The following SSU72 variants were observed in gnomAD, a reference collection of about 807,000 sequenced individuals.
SSU72 encodes SSU72 homolog, RNA polymerase II CTD phosphatase, also known as RNA polymerase II subunit A C-terminal domain phosphatase SSU72.
SSU72 carries 12 observed loss-of-function variants against 22.7 expected under a neutral mutation model. The observed-to-expected ratio is 0.53, with a 90% CI of 0.34 to 0.86. The LOEUF (loss-of-function observed/expected upper bound fraction) is 0.86. Ranked by LOEUF, SSU72 falls within the 40% of genes least tolerant of loss-of-function variation. SSU72 has a pLI of 0.02. For synonymous variants in SSU72, 116 were observed against 98.3 expected, an observed-to-expected ratio of 1.18 and a Z score of -1.06; for missense variants, 151 against 249.8, an observed-to-expected ratio of 0.60 and a Z score of 2.67.
chr1:1,550,542 G>A (rs1178575594), intron 2 of SSU72, among the ~76,000 whole-genome samples: 1 of 152,226 alleles, frequency 6.6e-6, no homozygotes, highest in East Asian at 1.9e-4. Context: ...CAGTGCCTGG[G>A]CCCTTGCCTC....
intron 1 of SSU72, among the ~76,000 whole-genome samples, chr1:1,568,228 C>T (rs1364693867): frequency 6.6e-6 from 1 of 152,240 alleles, no homozygotes; most frequent in Non-Finnish European, 1.5e-5. Flanking sequence ...CACCAACAGG[C>T]TTCGCCTGAA....
At chr1:1,568,031 A>G (rs1475748748) in intron 1 of SSU72, among the ~76,000 whole-genome samples, 1 of 152,126 alleles carries the variant, frequency 6.6e-6, no homozygotes, top group Non-Finnish European at 1.5e-5. Flanking sequence ...CGTTCCTTTA[A>G]GTTAGCCTAT....
chr1:1,550,487 A>G (rs1019171720), intron 2 of SSU72, among the ~76,000 whole-genome samples: 5 of 152,230 alleles, frequency 3.3e-5, no homozygotes, highest in African/African-American at 1.2e-4. Flanking sequence ...AGCAATTCCC[A>G]GACACCAGCG....
At chr1:1,549,790 T>C (rs1642435085) in intron 2 of SSU72, among the ~76,000 whole-genome samples, 1 of 151,816 alleles carries the variant, frequency 6.6e-6, no homozygotes, top group African/African-American at 2.4e-5. Context: ...CTGGCTAACA[T>C]GGTGAAACCC....
At position 1,574,608 on chromosome 1, in the gene SSU72, G is replaced by A. The variant is rs774530526; in HGVS notation, c.-51C>T. 13 of 1,521,530 alleles carry A rather than the reference G, an allele frequency of 8.5e-6. 1 individual carries two copies. In the South Asian group the frequency reaches 1.2e-4, roughly 14 times the overall value. 94.3% of individuals were successfully genotyped at this position (1,521,530 alleles called of 1,614,324 possible). On this transcript the variant is annotated 5_prime_UTR_variant, in exon 1 of 5. Coordinates refer to ENST00000291386, the MANE Select transcript of SSU72 (RefSeq NM_014188.3). ...CTCCCGCTTGGGTTCCCACCCTACC[G>A]CGGCGCTTCCGCGCGAACAAAATGG...
At chr1:1,566,182 T>G (rs192450066) in intron 1 of SSU72, among the ~76,000 whole-genome samples, 4 of 152,012 alleles carry the variant, frequency 2.6e-5, no homozygotes, top group Non-Finnish European at 5.9e-5. Flanking sequence ...TGAGAATCGC[T>G]TGAACCCAGC....
chr1:1,564,597 GAACT>G (rs767997524), intron 2 of SSU72, 172 bp downstream of exon 2: 31 of 1,609,790 alleles, frequency 1.9e-5, no homozygotes, highest in Admixed American at 5.1e-5. Context: ...GGTGGCACTG[GAACT>G]AACCCGTGGA....
At chr1:1,551,518 G>A (rs941546403) in intron 2 of SSU72, among the ~76,000 whole-genome samples, 11 of 151,802 alleles carry the variant, frequency 7.2e-5, no homozygotes, top group East Asian at 2.0e-4. Flanking sequence ...TTCTACCTAC[G>A]TGTGTGTGCC....
intron 3 of SSU72, 38 bp downstream of exon 3, chr1:1,544,825 C>G: frequency 6.2e-7 from 1 of 1,613,424 alleles, no homozygotes; most frequent in Non-Finnish European, 8.5e-7. Context: ...CCTGTGAGAG[C>G]TGCTGGAGCC....
At chr1:1,565,145 AGGCGGATCATGAAGGC>A (rs1642643948) in intron 1 of SSU72, among the ~76,000 whole-genome samples, 1 of 151,930 alleles carries the variant, frequency 6.6e-6, no homozygotes, top group Non-Finnish European at 1.5e-5. Flanking sequence ...TCATGAAGGC[AGGCGGATCATGAAGGC>A]AGGAGATCAA....
chr1:1,544,191 C>A (rs1446337887), intron 3 of SSU72, among the ~76,000 whole-genome samples: 3 of 152,234 alleles, frequency 2.0e-5, no homozygotes, highest in Admixed American at 6.5e-5. Context: ...ATCTCCAACT[C>A]AGCACAAGCT....
intron 2 of SSU72, among the ~76,000 whole-genome samples, chr1:1,549,628 C>A (rs1642432788): frequency 6.6e-6 from 1 of 150,994 alleles, no homozygotes; most frequent in South Asian, 2.1e-4. Context: ...TATCTGAGGT[C>A]AGGAGTTCGA....
intron 1 of SSU72, among the ~76,000 whole-genome samples, chr1:1,572,058 G>A (rs1642737676): frequency 1.3e-5 from 2 of 150,802 alleles, no homozygotes; most frequent in Non-Finnish European, 3.0e-5. Flanking sequence ...GCCTCCCAAA[G>A]TGCTGGGATT....
intron 1 of SSU72, among the ~76,000 whole-genome samples, chr1:1,569,195 A>C (rs988315519): frequency 7.2e-5 from 11 of 152,136 alleles, no homozygotes; most frequent in Non-Finnish European, 1.3e-4. Context: ...TAAAAGAAAA[A>C]AACAAAAAAA....
chr1:1,571,534 C>A (rs1052030278), intron 1 of SSU72, among the ~76,000 whole-genome samples: 1 of 151,844 alleles, frequency 6.6e-6, no homozygotes, highest in African/African-American at 2.4e-5. Flanking sequence ...AATTTACTTC[C>A]TTTTGACTCT....
rs773295850 is a variant in SSU72, at chr1:1,574,547, G to C, written c.11C>G (p.Ser4Cys). The change falls in exon 1 of 5, where the codon TCC becomes TGC. Residue 4 changes from serine to cysteine, a missense_variant. By Grantham distance (112) the Ser-to-Cys change is moderately radical (BLOSUM62 -1). Coordinates refer to ENST00000291386, the MANE Select transcript of SSU72 (RefSeq NM_014188.3). MPS[S>C]PLRVAVVCSS... Reference sequence around the variant, plus strand: ...GCACACCACCGCCACCCGCAGCGGGGACGACGGCATGGCGGCGGCCGCAAA... The same window carrying C: ...GCACACCACCGCCACCCGCAGCGGGCACGACGGCATGGCGGCGGCCGCAAA... 9.4e-6 allele frequency: 15 copies of C among 1,589,552 alleles called. No homozygotes were observed. The highest frequency in any genetic ancestry group is 1.2e-5 in the Non-Finnish European group (14 of 1,170,694).
chr1:1,555,059 G>C lies in SSU72; in HGVS notation c.224+9714C>G, dbSNP rs564497624. Among the ~76,000 whole-genome samples, 4 of 152,230 alleles carry C rather than the reference G, an allele frequency of 2.6e-5. No individual in the cohort carries two copies. The East Asian group carries it at 5.8e-4, about 22-fold the overall frequency. ...CTGCTGCCCTGACAGACACACCCAC[G>C]AGGGGGGCCAGCTATCACCTTATTG... On this transcript the variant is annotated intron_variant, in intron 2 of 4. Transcript: ENST00000291386.
intron 1 of SSU72, among the ~76,000 whole-genome samples, chr1:1,567,835 C>T (rs1033509503): frequency 2.0e-5 from 3 of 148,446 alleles, no homozygotes; most frequent in African/African-American, 5.0e-5. Context: ...ATTGCGTGAA[C>T]CCCGGAAGCG....
At chr1:1,571,684 CT>C (rs1390585614) in intron 1 of SSU72, among the ~76,000 whole-genome samples, 1 of 152,196 alleles carries the variant, frequency 6.6e-6, no homozygotes, top group Non-Finnish European at 1.5e-5. Flanking sequence ...ACTGGCCACT[CT>C]GAACTAAAAA....
Sources: allele counts gnomAD v4.1 joint callset (sites outside exome capture counted in the v4.1 genomes callset), GRCh38; gene constraint gnomAD v4.1.1; transcripts MANE v1.5; gene names NCBI Gene and HGNC (gene_info 2026-07-23, HGNC 2026-07-21).